Variants in ZCCHC14 observed in about 807,000 individuals in gnomAD.
ZCCHC14 encodes the protein zinc finger CCHC-type containing 14.
In ZCCHC14, 16 loss-of-function variants were observed where a neutral mutation model predicts 85.0. The ratio of observed to expected loss-of-function variants is 0.19; its 90% CI spans 0.13 to 0.29. ZCCHC14 has a LOEUF of 0.29. Among genes scored for constraint, ZCCHC14 ranks in the 10% least tolerant of loss-of-function variants. ZCCHC14 has a pLI of 1.00. For synonymous variants in ZCCHC14, 775 were observed against 630.7 expected (o/e 1.23, Z -3.43); for missense variants, 1,303 against 1,443.5 (o/e 0.90, Z 1.58).
At position 87,417,638 on chromosome 16, in the gene ZCCHC14, G is replaced by A. The variant is rs745846476; in HGVS notation, c.1205C>T (p.Ala402Val). The change falls in exon 8 of 13, where the codon GCG (alanine) becomes GTG (valine). Residue 402 changes from alanine (A) to valine (V), a missense_variant. Transcript: ENST00000671377. Reference protein sequence around the residue: ...SAAPLPHCSHAGSAGSALAYR... With the variant: ...SAAPLPHCSHVGSAGSALAYR... ...GGCCAGGGCTGAGCCCGCGCTGCCC[G>A]CATGGGAGCAGTGAGGCAAGGGGGC... 4.5e-5 allele frequency: 72 copies of A among 1,613,890 alleles called. No homozygotes were observed. In the Admixed American group the frequency reaches 8.3e-4, roughly 19 times the overall value.
chr16:87,460,164 C>T, intron 1 of ZCCHC14, 33 bp from the exon 2 acceptor site: 4 of 1,609,686 alleles, frequency 2.5e-6, no homozygotes, highest in Non-Finnish European at 3.4e-6. Flanking sequence ...ATCTTATTTT[C>T]TCCCACGGAG....
intron 3 of ZCCHC14, among the ~76,000 whole-genome samples, chr16:87,431,562 G>C (rs1909664901): frequency 6.6e-6 from 1 of 151,646 alleles, no homozygotes; most frequent in African/African-American, 2.4e-5. Flanking sequence ...ACCTTACACT[G>C]TGTGGACCTG....
intron 2 of ZCCHC14, among the ~76,000 whole-genome samples, chr16:87,444,607 T>A (rs1461364436): frequency 6.6e-6 from 1 of 152,128 alleles, no homozygotes. Context: ...CAGGACACAG[T>A]GAGAGCAGCG....
At chr16:87,485,941 G>C in intron 1 of ZCCHC14, among the ~76,000 whole-genome samples, 1 of 152,084 alleles carries the variant, frequency 6.6e-6, no homozygotes, top group South Asian at 2.1e-4. Flanking sequence ...AGTTATCTTC[G>C]CACTTGAACA....
intron 1 of ZCCHC14, among the ~76,000 whole-genome samples, chr16:87,480,665 C>A (rs1453990709): frequency 6.6e-6 from 1 of 152,170 alleles, no homozygotes; most frequent in Non-Finnish European, 1.5e-5. Context: ...ACGGATGCTC[C>A]GCAGGTGAGC....
Position 87,408,779 on chromosome 16 carries a change from T to TC in ZCCHC14, c.*1500dup, listed in dbSNP as rs1908312045. ...ACAAGGCCTCATTCTAGGGTATTCT[T>TC]CTGATTTACATCAATTTTTCATGAG... On this transcript the variant is annotated 3_prime_UTR_variant, in exon 13 of 13. Transcript: ENST00000671377. 1 of 152,470 alleles carries TC rather than the reference T, an allele frequency of 6.6e-6. No homozygotes were observed. The highest frequency in any genetic ancestry group is 6.5e-5 in the Admixed American group (1 of 15,284). 9.4% of individuals were successfully genotyped at this position (152,470 alleles called of 1,614,324 possible). A position where few individuals can be genotyped will look rare whatever the true frequency, so the allele number is the denominator to read the frequency against.
chr16:87,476,995 C>T (rs1045533379), intron 1 of ZCCHC14, among the ~76,000 whole-genome samples: 5 of 151,318 alleles, frequency 3.3e-5, no homozygotes, highest in African/African-American at 1.2e-4. Flanking sequence ...CATGGTGGTG[C>T]GTGCCTGTAA....
In ZCCHC14 at chr16:87,492,550, C is replaced by CGCCCGT. The variant is rs1481885989; in HGVS notation, c.-318_-313dup. 6.8e-6 allele frequency: 1 copy of CGCCCGT among 146,056 alleles called. No homozygotes were observed. The highest frequency in any genetic ancestry group is 1.5e-5 in the Non-Finnish European group (1 of 65,650). The allele number at this position is 146,056 out of a possible 1,614,324, so 9.0% of individuals were successfully genotyped here. ...CGCTCACGGGGAGGCGCCTTCCCCG[C>CGCCCGT]GCCCGTGCCCAGCGGCGGCCGGTGC... On this transcript the variant is annotated 5_prime_UTR_variant, in exon 1 of 13. Coordinates refer to ENST00000671377, the MANE Select transcript of ZCCHC14 (RefSeq NM_015144.3). This position sits in a 1 kb window ranked among gnomAD's most constrained non-coding sequence, Gnocchi z 6.7.
intron 1 of ZCCHC14, chr16:87,473,030 T>G (rs999454653): frequency 2.0e-5 from 3 of 151,976 alleles, no homozygotes; most frequent in Admixed American, 2.0e-4. Context: ...AAGAAAAAAT[T>G]TAAATGATGT....
intron 2 of ZCCHC14, 139 bp from the exon 3 acceptor site, chr16:87,433,340 C>A (rs1909756599): frequency 1.3e-6 from 1 of 740,790 alleles, no homozygotes; most frequent in Admixed American, 2.5e-5. Context: ...TGGCATCTCA[C>A]CTAGAACCAG....
At chr16:87,470,222 C>A (rs899443296) in intron 1 of ZCCHC14, 1 of 152,058 alleles carries the variant, frequency 6.6e-6, no homozygotes, top group Non-Finnish European at 1.5e-5. Flanking sequence ...CCTAGCTGCT[C>A]AGGAGGCTGA....
At chr16:87,483,330 A>G in intron 1 of ZCCHC14, among the ~76,000 whole-genome samples, 2 of 134,542 alleles carry the variant, frequency 1.5e-5, no homozygotes, top group Non-Finnish European at 3.0e-5. Flanking sequence ...AAAAAAAAAA[A>G]AAAAAAAAAA....
chr16:87,433,907 G>A (rs369004028), intron 2 of ZCCHC14, among the ~76,000 whole-genome samples: 1 of 152,148 alleles, frequency 6.6e-6, no homozygotes, highest in Non-Finnish European at 1.5e-5. Context: ...GCCTCCCAAC[G>A]TGCTGGATTT....
At chr16:87,485,474 T>A (rs1197274865) in intron 1 of ZCCHC14, among the ~76,000 whole-genome samples, 1 of 151,844 alleles carries the variant, frequency 6.6e-6, no homozygotes, top group Non-Finnish European at 1.5e-5. Flanking sequence ...ACTGCGTATG[T>A]TAAGACTAAA....
intron 1 of ZCCHC14, among the ~76,000 whole-genome samples, chr16:87,488,961 G>T (rs1260254479): frequency 7.5e-6 from 1 of 132,774 alleles, no homozygotes; most frequent in Non-Finnish European, 1.5e-5. Flanking sequence ...AAGTCTCTAA[G>T]CTCAAAGAGT....
At chr16:87,415,544 G>C (rs896302827) in intron 8 of ZCCHC14, among the ~76,000 whole-genome samples, 177 bp from the exon 9 acceptor site, 3 of 152,212 alleles carry the variant, frequency 2.0e-5, no homozygotes, top group Non-Finnish European at 4.4e-5. Context: ...TAAATGACTT[G>C]GTGTCAACGG....
chr16:87,455,410 T>A (rs1390469560), intron 2 of ZCCHC14, among the ~76,000 whole-genome samples: 2 of 151,858 alleles, frequency 1.3e-5, no homozygotes, highest in Non-Finnish European at 2.9e-5. Context: ...TCACATGGAG[T>A]GGCTCAACAT....
At position 87,482,297 on chromosome 16, in the gene ZCCHC14, G is replaced by C. The variant is rs187564816; in HGVS notation, c.570+9372C>G. Among the ~76,000 whole-genome samples, 673 of 152,220 alleles carry C rather than the reference G, an allele frequency of 4.4e-3. 2 individuals carry two copies. Among genetic ancestry groups the C allele is most frequent in the Non-Finnish European group, 6.5e-3 (445 of 68,022 alleles). ...GCAAAACCACAGCTGAAAAGGTCAC[G>C]AATTATAAAGCAAAAACAAAGAAGA... On this transcript the variant is annotated intron_variant, in intron 1 of 12. Transcript: ENST00000671377.
chr16:87,417,600 T>A lies in ZCCHC14; in HGVS notation c.1243A>T (p.Met415Leu). 6.2e-7 allele frequency: 1 copy of A among 1,614,236 alleles called. No individual in the cohort carries two copies. The highest frequency in any genetic ancestry group is 8.5e-7 in the Non-Finnish European group (1 of 1,180,038). The change falls in exon 8 of 13, where the codon ATG (methionine) becomes TTG (leucine). Residue 415 changes from methionine (M) to leucine (L), a missense_variant. By Grantham distance (15) the Met-to-Leu change is conservative. Transcript: ENST00000671377. ...ATGAGGATGGCAGGTGATGTGTCCA[T>A]CTGGGTCCGGTAGGCCAGGGCTGAG... ...AGSALAYRTQ[M>L]DTSPAILMPS...
Sources: gnomAD v4.1 joint callset for allele counts (sites outside exome capture counted in the v4.1 genomes callset) on GRCh38, gnomAD v4.1.1 for gene constraint, Gnocchi (gnomAD v3.1) non-coding constraint, MANE v1.5 for transcripts, NCBI Gene and HGNC (gene_info 2026-07-23, HGNC 2026-07-21) for gene names.